CCDC3: variants seen among roughly 807,000 people sequenced by gnomAD.
CCDC3 encodes the protein coiled-coil domain-containing protein 3.
CCDC3 carries 24 observed loss-of-function variants against 21.4 expected under a neutral mutation model. The observed-to-expected ratio is 1.12, with a 90% CI of 0.81 to 1.58. The LOEUF (loss-of-function observed/expected upper bound fraction) is 1.58, where lower values mean the gene tolerates loss of function less well. CCDC3 is among the 40% of genes most tolerant of loss of function. CCDC3 has a pLI of 0.00. For synonymous variants in CCDC3, 186 were observed against 166.0 expected (o/e 1.12, Z -0.93); for missense variants, 425 against 360.9 (o/e 1.18, Z -1.44).
At chr10:12,904,891 C>G (rs565842832) in intron 2 of CCDC3, among the ~76,000 whole-genome samples, 55 of 152,200 alleles carry the variant, frequency 3.6e-4, no homozygotes, top group South Asian at 3.5e-3. Flanking sequence ...AAGTCCCCCC[C>G]AGTTATTCTG....
chr10:13,097,097 C>T (rs910796097), intron 3 of CCDC3, among the ~76,000 whole-genome samples: 102 of 152,310 alleles, frequency 6.7e-4, no homozygotes, highest in African/African-American at 2.4e-3. Context: ...AAAGGGAACA[C>T]AAGGAACATC....
chr10:13,095,989 T>C (rs1217388731), intron 3 of CCDC3, among the ~76,000 whole-genome samples: 2 of 152,228 alleles, frequency 1.3e-5, no homozygotes, highest in Non-Finnish European at 2.9e-5. Flanking sequence ...TTTCTGGACA[T>C]TTAATGTATA....
chr10:12,991,817 G>A (rs1354077569), intron 2 of CCDC3, among the ~76,000 whole-genome samples: 1 of 152,190 alleles, frequency 6.6e-6, no homozygotes, highest in Non-Finnish European at 1.5e-5. Flanking sequence ...TAGAAGCAAT[G>A]CGGGGATCTG....
chr10:12,943,684 C>CA (rs1362616479), intron 2 of CCDC3, among the ~76,000 whole-genome samples: 1 of 152,206 alleles, frequency 6.6e-6, no homozygotes, highest in Non-Finnish European at 1.5e-5. Flanking sequence ...ATGTAAATGG[C>CA]ACACCTGGTC....
At chr10:12,955,784 C>T (rs1249742972) in intron 2 of CCDC3, among the ~76,000 whole-genome samples, 1 of 152,078 alleles carries the variant, frequency 6.6e-6, no homozygotes, top group African/African-American at 2.4e-5. Context: ...ACTCTGTCAC[C>T]CAGGCTGGAG....
chr10:13,017,148 C>G (rs1343733216), intron 5 of CCDC3, among the ~76,000 whole-genome samples: 1 of 152,020 alleles, frequency 6.6e-6, no homozygotes, highest in Non-Finnish European at 1.5e-5. Context: ...ACAGCCAAAG[C>G]CTTTTTCACA....
At chr10:13,010,105 G>A (rs1835967518) in intron 5 of CCDC3, among the ~76,000 whole-genome samples, 1 of 152,060 alleles carries the variant, frequency 6.6e-6, no homozygotes, top group Admixed American at 6.5e-5. Context: ...AAAATTAGCA[G>A]GGTGTGGTGG....
intron 2 of CCDC3, among the ~76,000 whole-genome samples, chr10:12,923,362 C>A (rs1033627991): frequency 6.6e-6 from 1 of 152,184 alleles, no homozygotes; most frequent in Non-Finnish European, 1.5e-5. Context: ...CTCTGAAATA[C>A]TCGTTATTCC....
intron 5 of CCDC3, among the ~76,000 whole-genome samples, chr10:13,026,834 C>T (rs1836223601): frequency 6.6e-6 from 1 of 152,196 alleles, no homozygotes; most frequent in South Asian, 2.1e-4. Flanking sequence ...AAGTAAAACT[C>T]TGTCATCAAA....
intron 2 of CCDC3, among the ~76,000 whole-genome samples, chr10:12,997,022 C>T (rs1835771664): frequency 6.6e-6 from 1 of 152,052 alleles, no homozygotes; most frequent in African/African-American, 2.4e-5. Context: ...ACCCCAGTGG[C>T]ACGCAATTTA....
chr10:13,021,835 T>A (rs1836150766), intron 5 of CCDC3, among the ~76,000 whole-genome samples: 1 of 152,038 alleles, frequency 6.6e-6, no homozygotes, highest in African/African-American at 2.4e-5. Context: ...ACGGTCTCAG[T>A]TCACTGCAAC....
intron 2 of CCDC3, among the ~76,000 whole-genome samples, chr10:12,916,751 G>T (rs1027500337): frequency 1.3e-5 from 2 of 152,232 alleles, no homozygotes; most frequent in African/African-American, 2.4e-5. Context: ...CTGAAGTCTG[G>T]GGCCATGAGG....
intron 2 of CCDC3, among the ~76,000 whole-genome samples, chr10:12,994,421 A>C (rs74348285): frequency 0.039 from 5,762 of 147,764 alleles, 383 homozygotes; most frequent in African/African-American, 0.15. Flanking sequence ...AACAAAAAAA[A>C]AAAACACCCA....
In CCDC3 at chr10:12,953,276, C is replaced by T. The variant is rs374411648; in HGVS notation, c.549+45062G>A. On this transcript the variant is annotated intron_variant, in intron 2 of 2. Coordinates refer to ENST00000378825, the MANE Select transcript of CCDC3 (RefSeq NM_031455.4). The stretch of plus-strand genomic sequence containing the variant: ...CTTATTCACTGTCATGAAAACAGCA[C>T]GGGAAAGACCTGACCCCGTGATTCA... Among the ~76,000 whole-genome samples the T allele has an allele frequency of 5.3e-5, 8 of 152,164 alleles. No homozygotes were observed. In the South Asian group the frequency reaches 1.0e-3, roughly 20 times the overall value.
chr10:12,961,692 G>C (rs1835180525), intron 2 of CCDC3, among the ~76,000 whole-genome samples: 1 of 152,178 alleles, frequency 6.6e-6, no homozygotes, highest in South Asian at 2.1e-4. Context: ...GCATGAGGAA[G>C]TTAATGGAGC....
At chr10:12,992,469 C>T (rs927828041) in intron 2 of CCDC3, among the ~76,000 whole-genome samples, 2 of 152,166 alleles carry the variant, frequency 1.3e-5, no homozygotes, top group Non-Finnish European at 2.9e-5. Context: ...GAATACTACT[C>T]AGCCATAAAA....
At chr10:13,010,252 A>C (rs1564318882) in intron 5 of CCDC3, among the ~76,000 whole-genome samples, 1 of 152,168 alleles carries the variant, frequency 6.6e-6, no homozygotes, top group African/African-American at 2.4e-5. Flanking sequence ...CATTTCAAAA[A>C]AACAAAAAAA....
intron 2 of CCDC3, among the ~76,000 whole-genome samples, chr10:12,976,733 G>A (rs1589027934): frequency 1.3e-5 from 2 of 152,292 alleles, no homozygotes; most frequent in East Asian, 3.9e-4. Flanking sequence ...AAGCACAGGG[G>A]ATTCTTGGGG....
rs1835794851 is a variant in CCDC3, at chr10:12,998,387, T to A, written c.500A>T (p.Gln167Leu). 6.2e-7 allele frequency: 1 copy of A among 1,614,076 alleles called. No individual in the cohort carries two copies. The highest frequency in any genetic ancestry group is 1.3e-5 in the African/African-American group (1 of 74,926). ...GTCACTGGAGAAAGTCGCCAGCTGC[T>A]GCCCTTGCGAACAGTTTGAAAACTG... ...LFQFSNCSQG[Q>L]QLATFSSDWE... The change falls in exon 2 of 3, where the codon CAG (glutamine) becomes CTG (leucine). Residue 167 changes from glutamine to leucine, a missense_variant. Physicochemically the swap from Gln to Leu is moderately radical, Grantham distance 113. Transcript: ENST00000378825.
Sources: gnomAD v4.1 joint callset for allele counts (sites outside exome capture counted in the v4.1 genomes callset) on GRCh38, gnomAD v4.1.1 for gene constraint, MANE v1.5 for transcripts, NCBI Gene and HGNC (gene_info 2026-07-23, HGNC 2026-07-21) for gene names.